The following ZNF469 variants were observed in gnomAD, a reference collection of about 807,000 sequenced individuals.
ZNF469 encodes zinc finger protein 469.
In ZNF469, 1 loss-of-function variant was observed where a neutral mutation model predicts 1.0. The observed-to-expected ratio is 1.00, with a 90% CI of 0.35 to 4.73. The LOEUF is 4.73. Ranked by LOEUF, ZNF469 falls within the 30% of genes most tolerant of loss-of-function variation. ZNF469 has a pLI of 0.16. For synonymous variants in ZNF469, 2,703 were observed against 2,363.4 expected, an observed-to-expected ratio of 1.14 and a Z score of -4.17; for missense variants, 6,100 against 5,356.3, an observed-to-expected ratio of 1.14 and a Z score of -4.33.
chr16:88,261,980 C>T, the ZNF469 span, among the ~76,000 whole-genome samples: 3 of 152,164 alleles, frequency 2.0e-5, no homozygotes, highest in African/African-American at 2.4e-5. This position sits in a 1 kb window ranked among gnomAD's most constrained non-coding sequence, Gnocchi z 6.0. Context: ...GCTGAAGCTC[C>T]GGCCTCCTCT....
the ZNF469 span, among the ~76,000 whole-genome samples, chr16:88,358,084 G>T: frequency 6.6e-6 from 1 of 152,232 alleles, no homozygotes; most frequent in East Asian, 1.9e-4. Context: ...CCTCCTTTCA[G>T]GGCAAGCTTC....
At chr16:88,408,024 T>C (rs1312485382) in intron 1 of ZNF469, among the ~76,000 whole-genome samples, 1 of 152,252 alleles carries the variant, frequency 6.6e-6, no homozygotes, top group Non-Finnish European at 1.5e-5. Flanking sequence ...TGTTGTTCCC[T>C]TTTTGCCTTG....
the ZNF469 span, among the ~76,000 whole-genome samples, chr16:88,107,532 C>T: frequency 3.9e-5 from 6 of 152,196 alleles, no homozygotes; most frequent in African/African-American, 1.2e-4. Flanking sequence ...GGATTAAATT[C>T]GAGGTGAGAT....
At chr16:88,246,476 A>G in the ZNF469 span, among the ~76,000 whole-genome samples, 2 of 152,162 alleles carry the variant, frequency 1.3e-5, no homozygotes, top group African/African-American at 4.8e-5. Context: ...GTAGGCATCA[A>G]TCAGGCATGG....
chr16:88,342,139 C>A, the ZNF469 span, among the ~76,000 whole-genome samples: 6 of 152,092 alleles, frequency 3.9e-5, no homozygotes, highest in Admixed American at 3.9e-4. Context: ...GGAGGCGCTG[C>A]GACAGGGGTC....
At chr16:88,170,950 C>T in the ZNF469 span, among the ~76,000 whole-genome samples, 1 of 152,260 alleles carries the variant, frequency 6.6e-6, no homozygotes, top group Admixed American at 6.5e-5. This position sits in a 1 kb window ranked among gnomAD's most constrained non-coding sequence, Gnocchi z 4.2. Flanking sequence ...CGGGCTGCCA[C>T]GAAGGCCAGG....
chr16:88,399,605 G>A (rs1285501810), intron 1 of ZNF469, among the ~76,000 whole-genome samples: 1 of 152,178 alleles, frequency 6.6e-6, no homozygotes, highest in Non-Finnish European at 1.5e-5. Flanking sequence ...GAGTATCTGT[G>A]GTGCCTCCCA....
the ZNF469 span, among the ~76,000 whole-genome samples, chr16:88,370,440 T>C: frequency 6.6e-6 from 1 of 152,142 alleles, no homozygotes; most frequent in Non-Finnish European, 1.5e-5. Flanking sequence ...TTCAGTAGCA[T>C]GTGCGTGCTC....
chr16:88,145,919 G>T, the ZNF469 span, among the ~76,000 whole-genome samples: 72 of 152,372 alleles, frequency 4.7e-4, no homozygotes, highest in African/African-American at 1.7e-3. Context: ...AGGGCCCAGC[G>T]GTCCGGCCTC....
intron 1 of ZNF469, among the ~76,000 whole-genome samples, chr16:88,401,293 T>C (rs576515138): frequency 6.0e-4 from 92 of 152,294 alleles, no homozygotes; most frequent in African/African-American, 2.0e-3. Flanking sequence ...CCTCTCTGGT[T>C]GAGGCTGGGC....
chr16:88,331,935 C>T, the ZNF469 span, among the ~76,000 whole-genome samples: 1 of 152,224 alleles, frequency 6.6e-6, no homozygotes, highest in Non-Finnish European at 1.5e-5. Flanking sequence ...GGAGTAGCCC[C>T]CTCCTCATTC....
the ZNF469 span, among the ~76,000 whole-genome samples, chr16:88,262,516 C>T: frequency 2.0e-5 from 3 of 152,310 alleles, no homozygotes; most frequent in African/African-American, 7.2e-5. This position sits in a 1 kb window ranked among gnomAD's most constrained non-coding sequence, Gnocchi z 4.3. Flanking sequence ...AAGATGGGCC[C>T]TTCCATGGGG....
chr16:88,192,470 T>C, the ZNF469 span, among the ~76,000 whole-genome samples: 1 of 151,874 alleles, frequency 6.6e-6, no homozygotes, highest in Non-Finnish European at 1.5e-5. Flanking sequence ...AAATGGGAGG[T>C]CCTCTGTCTC....
At chr16:88,189,640 C>G in the ZNF469 span, among the ~76,000 whole-genome samples, 2 of 152,220 alleles carry the variant, frequency 1.3e-5, no homozygotes, top group Non-Finnish European at 2.9e-5. The surrounding 1 kb of genome is among the most constrained non-coding windows in gnomAD (Gnocchi z 4.3). Context: ...AAGGCACAGG[C>G]TGGGCACAGT....
chr16:88,346,541 CAG>C, the ZNF469 span, among the ~76,000 whole-genome samples: 3 of 152,304 alleles, frequency 2.0e-5, no homozygotes, highest in East Asian at 5.8e-4. Flanking sequence ...TTTTTAGAGA[CAG>C]GGTCTCGCGC....
Position 88,431,373 on chromosome 16 carries a change from G to T in ZNF469, c.3903G>T (p.Leu1301=). 1 of 1,549,974 alleles carries T rather than the reference G, an allele frequency of 6.5e-7. No individual in the cohort carries two copies. Among genetic ancestry groups the T allele is most frequent in the Non-Finnish European group, 8.7e-7 (1 of 1,146,914 alleles). ...GSSPTPGVGS[L]LGGPGGTQAP... ...CGCCAACGCCAGGTGTGGGCAGCCT[G>T]CTGGGTGGTCCTGGGGGCACACAGG... Residue 1301 remains leucine, a synonymous_variant, in exon 3 of 3, where the codon CTG becomes CTT. Coordinates refer to ENST00000565624, the MANE Select transcript of ZNF469 (RefSeq NM_001367624.2).
the ZNF469 span, among the ~76,000 whole-genome samples, chr16:88,236,397 A>G: frequency 6.6e-6 from 1 of 152,266 alleles, no homozygotes; most frequent in African/African-American, 2.4e-5. Context: ...TCAGTCTTAA[A>G]GTCTCAGTTT....
At chr16:88,260,092 C>T in the ZNF469 span, among the ~76,000 whole-genome samples, 1 of 152,062 alleles carries the variant, frequency 6.6e-6, no homozygotes, top group Admixed American at 6.5e-5. This position sits in a 1 kb window ranked among gnomAD's most constrained non-coding sequence, Gnocchi z 4.1. Flanking sequence ...ATTTTCCTGC[C>T]TCAGCCTCCT....
chr16:88,429,261 C>T lies in ZNF469; in HGVS notation c.1791C>T (p.Ala597=), dbSNP rs1410138393. The change falls in exon 3 of 3, where the codon GCC becomes GCT. Residue 597 remains alanine, a synonymous_variant. Transcript: ENST00000565624. ...SPSESPLPSP[A]TNTAGSTCSS... The stretch of plus-strand genomic sequence containing the variant: ...GCGAGTCCCCACTGCCGTCACCGGC[C>T]ACCAACACGGCCGGCAGCACCTGCT... 6.5e-7 allele frequency: 1 copy of T among 1,549,904 alleles called. No homozygotes were observed. The highest frequency in any genetic ancestry group is 2.0e-5 in the Admixed American group (1 of 51,008).
Sources: gnomAD v4.1 joint callset for allele counts (sites outside exome capture counted in the v4.1 genomes callset) on GRCh38, gnomAD v4.1.1 for gene constraint, Gnocchi (gnomAD v3.1) non-coding constraint, MANE v1.5 for transcripts, NCBI Gene and HGNC (gene_info 2026-07-23, HGNC 2026-07-21) for gene names.